The following GRID2 variants were observed in gnomAD, a reference collection of about 807,000 sequenced individuals.
GRID2 encodes the protein glutamate ionotropic receptor delta type subunit 2, also known as glutamate receptor ionotropic, delta-2.
Under a neutral mutation model 114.8 loss-of-function variants are expected in GRID2, and 33 were observed. That is an observed-to-expected ratio of 0.29 (90% confidence interval 0.22 to 0.38). The LOEUF (loss-of-function observed/expected upper bound fraction) is 0.38, where lower values mean the gene tolerates loss of function less well. GRID2 is among the 10% of genes least tolerant of loss of function. The probability of loss-of-function intolerance (pLI) is 1.00; values close to 1 mark genes in which losing one functional copy is unlikely to be tolerated. For missense variants in GRID2, 1,184 were observed against 1,257.7 expected (o/e 0.94, Z 0.89); for synonymous variants, 505 against 449.9 (o/e 1.12, Z -1.55).
intron 2 of GRID2, among the ~76,000 whole-genome samples, chr4:93,078,242 T>C (rs1460213289): frequency 6.6e-6 from 1 of 152,178 alleles, no homozygotes; most frequent in African/African-American, 2.4e-5. Flanking sequence ...AATTAGTTCC[T>C]ACTTACCCTT....
At chr4:92,433,129 G>A (rs1029813755) in intron 1 of GRID2, among the ~76,000 whole-genome samples, 3 of 152,034 alleles carry the variant, frequency 2.0e-5, no homozygotes, top group South Asian at 2.1e-4. Context: ...GTTCCAAGAC[G>A]AAATCCTGTT....
intron 2 of GRID2, among the ~76,000 whole-genome samples, chr4:92,652,474 T>C (rs1031172797): frequency 6.6e-5 from 10 of 151,664 alleles, no homozygotes; most frequent in African/African-American, 2.4e-4. Flanking sequence ...GGCCAGGAGT[T>C]TGAGGCTTGC....
At chr4:92,385,806 ATTAAG>A (rs945807458) in intron 1 of GRID2, among the ~76,000 whole-genome samples, 5 of 150,922 alleles carry the variant, frequency 3.3e-5, no homozygotes, top group Admixed American at 2.7e-4. Context: ...TTATGAAATA[ATTAAG>A]TTATTTGGAT....
At chr4:93,154,870 T>C (rs944542040) in intron 4 of GRID2, among the ~76,000 whole-genome samples, 1 of 151,960 alleles carries the variant, frequency 6.6e-6, no homozygotes, top group Admixed American at 6.6e-5. Flanking sequence ...GTCCTTCTTC[T>C]CTCACTTTAT....
intron 4 of GRID2, among the ~76,000 whole-genome samples, chr4:93,125,962 A>G (rs1253716199): frequency 2.0e-5 from 3 of 152,174 alleles, no homozygotes; most frequent in Non-Finnish European, 4.4e-5. Flanking sequence ...CAGAGTTTTA[A>G]AAATATTTTG....
chr4:92,842,991 C>T (rs1176772388), intron 2 of GRID2, among the ~76,000 whole-genome samples: 1 of 152,108 alleles, frequency 6.6e-6, no homozygotes, highest in Non-Finnish European at 1.5e-5. Flanking sequence ...GTAATGTAAG[C>T]ACTTTGGCAG....
At chr4:92,456,819 A>G (rs1199366405) in intron 1 of GRID2, among the ~76,000 whole-genome samples, 4 of 152,190 alleles carry the variant, frequency 2.6e-5, no homozygotes, top group African/African-American at 9.6e-5. Context: ...TAACTATGTT[A>G]TGATAACAAC....
intron 2 of GRID2, among the ~76,000 whole-genome samples, chr4:92,775,024 T>G (rs1436707347): frequency 6.6e-6 from 1 of 152,180 alleles, no homozygotes; most frequent in Non-Finnish European, 1.5e-5. Flanking sequence ...AGACTGGGCT[T>G]GGGAAGATCC....
At chr4:93,569,810 C>G (rs1735768797) in intron 13 of GRID2, among the ~76,000 whole-genome samples, 1 of 152,246 alleles carries the variant, frequency 6.6e-6, no homozygotes, top group African/African-American at 2.4e-5. Context: ...ATTTTCTCAT[C>G]ATTCATCTCA....
intron 1 of GRID2, among the ~76,000 whole-genome samples, chr4:92,550,768 A>G (rs1340609979): frequency 2.0e-5 from 3 of 152,182 alleles, no homozygotes; most frequent in East Asian, 1.9e-4. Context: ...TATAAATTGC[A>G]AAGTCTGAAA....
intron 10 of GRID2, among the ~76,000 whole-genome samples, chr4:93,442,832 G>A (rs1470062757): frequency 3.3e-5 from 5 of 151,884 alleles, no homozygotes. Context: ...ATTTCTAATG[G>A]GTACCTCAAA....
chr4:92,761,950 G>C (rs1344976866), intron 2 of GRID2, among the ~76,000 whole-genome samples: 1 of 152,090 alleles, frequency 6.6e-6, no homozygotes, highest in Non-Finnish European at 1.5e-5. Flanking sequence ...TGTTTGTTTT[G>C]AGAGAGTCTC....
At chr4:93,685,469 G>A (rs901548176) in intron 14 of GRID2, among the ~76,000 whole-genome samples, 2 of 151,942 alleles carry the variant, frequency 1.3e-5, no homozygotes, top group African/African-American at 4.8e-5. Flanking sequence ...TCATTTTAAC[G>A]TCACAACTAA....
intron 2 of GRID2, among the ~76,000 whole-genome samples, chr4:92,713,484 T>TATATATAC (rs1735370771): frequency 2.0e-5 from 2 of 98,376 alleles, no homozygotes; most frequent in Non-Finnish European, 4.4e-5. Context: ...TACATATATA[T>TATATATAC]ATATATATAT....
chr4:93,087,233 G>T (rs1048356796), intron 3 of GRID2, among the ~76,000 whole-genome samples: 71 of 151,722 alleles, frequency 4.7e-4, no homozygotes, highest in African/African-American at 1.6e-3. Context: ...GTAGAGATGG[G>T]GTTTCAACGT....
chr4:92,761,169 A>G (rs1028736764), intron 2 of GRID2, among the ~76,000 whole-genome samples: 3 of 152,058 alleles, frequency 2.0e-5, no homozygotes, highest in African/African-American at 7.2e-5. Context: ...TTTGCACTAG[A>G]ACATATCCAT....
At chr4:93,345,313 T>C (rs1760107433) in intron 8 of GRID2, among the ~76,000 whole-genome samples, 1 of 152,032 alleles carries the variant, frequency 6.6e-6, no homozygotes, top group Non-Finnish European at 1.5e-5. Flanking sequence ...TTCTCACCAA[T>C]ACTTGTTATC....
At chr4:93,128,712 T>A (rs998182395) in intron 4 of GRID2, among the ~76,000 whole-genome samples, 1 of 152,194 alleles carries the variant, frequency 6.6e-6, no homozygotes, top group Non-Finnish European at 1.5e-5. Context: ...GCCTATTTCT[T>A]AGCAAACACA....
At position 93,464,601 on chromosome 4, in the gene GRID2, A is replaced by G. The variant is rs144021848; in HGVS notation, c.1858+8627A>G. 5.9e-5 allele frequency among the ~76,000 whole-genome samples: 9 copies of G among 152,306 alleles called. No homozygotes were observed. The East Asian group carries it at 1.7e-3, about 29-fold the overall frequency. Reference sequence around the variant, plus strand: ...CACATTTATAAGGCAGAAAAATTCAATGTTTAATAGAGAAGTATAAATACA... The same window carrying G: ...CACATTTATAAGGCAGAAAAATTCAGTGTTTAATAGAGAAGTATAAATACA... On this transcript the variant is annotated intron_variant, in intron 11 of 15. Transcript: ENST00000282020.
Sources: gnomAD v4.1 joint callset for allele counts (sites outside exome capture counted in the v4.1 genomes callset) on GRCh38, gnomAD v4.1.1 for gene constraint, MANE v1.5 for transcripts, NCBI Gene and HGNC (gene_info 2026-07-23, HGNC 2026-07-21) for gene names.